OSBPL3: variants seen among roughly 807,000 people sequenced by gnomAD.
OSBPL3 encodes oxysterol binding protein like 3.
A neutral mutation model predicts 120.1 loss-of-function variants in OSBPL3; 65 were observed. The ratio of observed to expected loss-of-function variants is 0.54; its 90% CI spans 0.44 to 0.67. The LOEUF is 0.67. Among genes scored for constraint, OSBPL3 ranks in the 30% least tolerant of loss-of-function variants. The pLI is 0.00. For missense variants in OSBPL3, 1,004 were observed against 1,082.1 expected, an observed-to-expected ratio of 0.93 and a Z score of 1.01; for synonymous variants, 416 against 402.6, an observed-to-expected ratio of 1.03 and a Z score of -0.40.
chr7:24,809,993 G>A, intron 19 of OSBPL3, 42 bp from the exon 20 acceptor site: 1 of 1,604,838 alleles, frequency 6.2e-7, no homozygotes, highest in South Asian at 1.1e-5. Flanking sequence ...TTTAGCATCA[G>A]CTTATTACAG....
At chr7:24,856,374 T>C (rs1042378875) in intron 10 of OSBPL3, among the ~76,000 whole-genome samples, 3 of 152,194 alleles carry the variant, frequency 2.0e-5, no homozygotes, top group African/African-American at 7.2e-5. Context: ...AATGTTTGGA[T>C]AGTGAGAGTC....
intron 1 of OSBPL3, among the ~76,000 whole-genome samples, chr7:24,909,832 G>A (rs1002368865): frequency 5.5e-5 from 6 of 109,314 alleles, no homozygotes; most frequent in South Asian, 3.0e-4. Flanking sequence ...TGCTTTTCTC[G>A]CCCAGGCTGG....
At chr7:24,866,301 A>T (rs1189126874) in intron 5 of OSBPL3, 64 bp from the exon 6 acceptor site, 2 of 1,224,642 alleles carry the variant, frequency 1.6e-6, no homozygotes, top group Non-Finnish European at 2.4e-6. Flanking sequence ...ACAATTACTC[A>T]TCAAATTGAG....
rs374102664 is a variant in OSBPL3 at position 24,820,224 on chromosome 7, C to A, written c.1899G>T (p.Pro633=). The change falls in exon 17 of 23, where the codon CCG becomes CCT. Residue 633 remains proline (P), a synonymous_variant. Coordinates refer to ENST00000313367, the MANE Select transcript of OSBPL3 (RefSeq NM_015550.4). This position sits in a 1 kb window ranked among gnomAD's most constrained non-coding sequence, Gnocchi z 4.6. ...QFFSEQVSHH[P]PISACHAESR... ...ACTCAGCATGACACGCAGAGATAGG[C>A]GGATGGTGGCTGACCTGATGGAAAC... 6 of 1,611,794 alleles carry A rather than the reference C, an allele frequency of 3.7e-6. No individual in the cohort carries two copies. The highest frequency in any genetic ancestry group is 3.3e-5 in the Admixed American group (2 of 59,982).
chr7:24,863,593 G>A lies in OSBPL3; in HGVS notation c.680C>T (p.Ala227Val), dbSNP rs141709851. Residue 227 changes from alanine (A) to valine (V), a missense_variant, in exon 8 of 23, where the codon GCG (alanine) becomes GTG (valine). Transcript: ENST00000313367. This position sits in a 1 kb window ranked among gnomAD's most constrained non-coding sequence, Gnocchi z 5.8. Reference sequence around the variant, plus strand: ...TTCTACCAGGTAGGCATGACAGTGCGCCAGGTCTGTGGGGGAAAAGAGGAC... The same window carrying A: ...TTCTACCAGGTAGGCATGACAGTGCACCAGGTCTGTGGGGGAAAAGAGGAC... ...EDMEKCSKDL[A>V]HCHAYLVEMS... 149 of 1,610,680 alleles carry A rather than the reference G, an allele frequency of 9.3e-5. No homozygotes were observed. In the African/African-American group the frequency reaches 1.8e-3, roughly 19 times the overall value.
At chr7:24,810,107 A>T in intron 19 of OSBPL3, 156 bp from the exon 20 acceptor site, 1 of 685,498 alleles carries the variant, frequency 1.5e-6, no homozygotes, top group Non-Finnish European at 2.5e-6. Flanking sequence ...TTAACCGACA[A>T]ATAAAAAATT....
chr7:24,903,278 C>T (rs1218686932), intron 1 of OSBPL3, among the ~76,000 whole-genome samples: 1 of 152,222 alleles, frequency 6.6e-6, no homozygotes, highest in Non-Finnish European at 1.5e-5. Context: ...AGCGTGGACT[C>T]ACACTCACAA....
In OSBPL3 at chr7:24,817,858, A is replaced by C. The variant is rs1794659924; in HGVS notation, c.1949-1170T>G. 6.6e-6 allele frequency among the ~76,000 whole-genome samples: 1 copy of C among 152,244 alleles called. No homozygotes were observed. The highest frequency in any genetic ancestry group is 2.1e-4 in the South Asian group (1 of 4,834). Reference sequence around the variant, plus strand: ...CAGACTGAAAAAGAACGAATTTATGAACAATGTCAGATTTCTCTAACTTGC... The same window carrying C: ...CAGACTGAAAAAGAACGAATTTATGCACAATGTCAGATTTCTCTAACTTGC... On this transcript the variant is annotated intron_variant, in intron 17 of 22. Coordinates refer to ENST00000313367, the MANE Select transcript of OSBPL3 (RefSeq NM_015550.4). The surrounding 1 kb of genome is among the most constrained non-coding windows in gnomAD (Gnocchi z 4.0).
In OSBPL3 at chr7:24,817,161, A is replaced by G. The variant is rs914889393; in HGVS notation, c.1949-473T>C. ...AGGGGACGGAAGTATAGGAAAACAC[A>G]GTCAAATAGTGTGGTTCTGTCCTAT... On this transcript the variant is annotated intron_variant, in intron 17 of 22. Transcript: ENST00000313367. This position sits in a 1 kb window ranked among gnomAD's most constrained non-coding sequence, Gnocchi z 4.0. Among the ~76,000 whole-genome samples, 25 of 152,218 alleles carry G rather than the reference A, an allele frequency of 1.6e-4. No individual in the cohort carries two copies. Among genetic ancestry groups the G allele is most frequent in the African/African-American group, 5.5e-4 (23 of 41,450 alleles).
chr7:24,977,611 C>T (rs1436860271), intron 1 of OSBPL3, among the ~76,000 whole-genome samples: 2 of 152,168 alleles, frequency 1.3e-5, no homozygotes, highest in Admixed American at 1.3e-4. Flanking sequence ...AATCCCAGCA[C>T]TTTGGGAGGC....
At chr7:24,809,633 T>C (rs1279618641) in intron 20 of OSBPL3, among the ~76,000 whole-genome samples, 174 bp downstream of exon 20, 1 of 152,064 alleles carries the variant, frequency 6.6e-6, no homozygotes, top group African/African-American at 2.4e-5. Flanking sequence ...TAAGTAAGCA[T>C]GACAGGGAGG....
At position 24,892,554 on chromosome 7, in the gene OSBPL3, C is replaced by A; in HGVS notation, c.-82G>T. 1 of 1,547,338 alleles carries A rather than the reference C, an allele frequency of 6.5e-7. No individual in the cohort carries two copies. Among genetic ancestry groups the A allele is most frequent in the South Asian group, 1.2e-5 (1 of 84,008 alleles). ...CCGAGAGTATGGAAGTCCCCAGTGG[C>A]AGGTGGTTTAGCTCTTATCCAAAGT... On this transcript the variant is annotated 5_prime_UTR_variant, in exon 2 of 23. Coordinates refer to ENST00000313367, the MANE Select transcript of OSBPL3 (RefSeq NM_015550.4).
intron 1 of OSBPL3, among the ~76,000 whole-genome samples, chr7:24,960,286 AT>A (rs2128513870): frequency 6.6e-6 from 1 of 152,348 alleles, no homozygotes; most frequent in East Asian, 1.9e-4. Context: ...AAATATTCTC[AT>A]AATACAAAGG....
chr7:24,944,653 T>C (rs1434411736), intron 1 of OSBPL3, among the ~76,000 whole-genome samples: 1 of 152,020 alleles, frequency 6.6e-6, no homozygotes, highest in Non-Finnish European at 1.5e-5. Context: ...TGGTGATGTT[T>C]AAGAATATAA....
chr7:24,870,127 G>A (rs963892312), intron 5 of OSBPL3, among the ~76,000 whole-genome samples: 7 of 152,166 alleles, frequency 4.6e-5, no homozygotes, highest in Non-Finnish European at 5.9e-5. Flanking sequence ...ACTTGCCAAA[G>A]TTCAATGGCT....
intron 2 of OSBPL3, among the ~76,000 whole-genome samples, chr7:24,886,070 G>A (rs1804485396): frequency 6.6e-6 from 1 of 152,156 alleles, no homozygotes; most frequent in Admixed American, 6.5e-5. Flanking sequence ...CTTTGTGAAT[G>A]GTAATCTTTC....
intron 1 of OSBPL3, among the ~76,000 whole-genome samples, chr7:24,926,240 GT>G (rs1398444672): frequency 3.9e-5 from 6 of 152,226 alleles, no homozygotes; most frequent in Middle Eastern, 3.4e-3. Flanking sequence ...AACGTGTAGG[GT>G]TATGCCATGC....
In OSBPL3 at chr7:24,959,550, G is replaced by A. The variant is rs915794160; in HGVS notation, c.-150+20336C>T. 6.6e-6 allele frequency among the ~76,000 whole-genome samples: 1 copy of A among 152,168 alleles called. No homozygotes were observed. The highest frequency in any genetic ancestry group is 1.5e-5 in the Non-Finnish European group (1 of 68,020). On this transcript the variant is annotated intron_variant, in intron 1 of 22. Coordinates refer to ENST00000313367, the MANE Select transcript of OSBPL3 (RefSeq NM_015550.4). This position sits in a 1 kb window ranked among gnomAD's most constrained non-coding sequence, Gnocchi z 4.3. ...ATGGAAATTACCCATTGCGGGTAGG[G>A]ATAGCGACTTCGGAAGAGCTGGTAA...
In OSBPL3 at chr7:24,913,689, T is replaced by C. The variant is rs1809154402; in HGVS notation, c.-149-21068A>G. On this transcript the variant is annotated intron_variant, in intron 1 of 22. Transcript: ENST00000313367. This position sits in a 1 kb window ranked among gnomAD's most constrained non-coding sequence, Gnocchi z 5.3. ...AGCCCAGACCTCAAAATTTCTCCCTTATCATTTGGCATTTATCTTCATAAT... is the reference window on the plus strand; with the variant it reads ...AGCCCAGACCTCAAAATTTCTCCCTCATCATTTGGCATTTATCTTCATAAT... Among the ~76,000 whole-genome samples, 1 of 152,144 alleles carries C rather than the reference T, an allele frequency of 6.6e-6. No individual in the cohort carries two copies. The highest frequency in any genetic ancestry group is 1.5e-5 in the Non-Finnish European group (1 of 68,030).
Sources: gnomAD v4.1 joint callset for allele counts (sites outside exome capture counted in the v4.1 genomes callset) on GRCh38, gnomAD v4.1.1 for gene constraint, Gnocchi (gnomAD v3.1) non-coding constraint, MANE v1.5 for transcripts, NCBI Gene and HGNC (gene_info 2026-07-23, HGNC 2026-07-21) for gene names.